GRHL2: variants seen among roughly 807,000 people sequenced by gnomAD.
GRHL2 encodes the protein grainyhead like transcription factor 2.
In GRHL2, 21 loss-of-function variants were observed where a neutral mutation model predicts 83.8. The observed-to-expected ratio is 0.25, with a 90% CI of 0.18 to 0.36. GRHL2 has a LOEUF of 0.36. GRHL2 is among the 10% of genes least tolerant of loss of function. GRHL2 has a pLI of 1.00. For synonymous variants in GRHL2, 280 were observed against 278.9 expected (o/e 1.00, Z -0.04); for missense variants, 623 against 781.8 (o/e 0.80, Z 2.42).
At chr8:101,665,454 T>C (rs753807320) in intron 15 of GRHL2, among the ~76,000 whole-genome samples, 7 of 152,204 alleles carry the variant, frequency 4.6e-5, no homozygotes, top group African/African-American at 7.2e-5. Flanking sequence ...TGTTGGTTGA[T>C]TGGAGGATCT....
At chr8:101,506,835 C>CAAA (rs10688299) in intron 1 of GRHL2, among the ~76,000 whole-genome samples, 2,591 of 147,038 alleles carry the variant, frequency 0.018, 25 homozygotes, top group Middle Eastern at 0.066. Context: ...ATTTGCAAGG[C>CAAA]AAAAAAAAAA....
chr8:101,652,412 G>GT (rs1813663610), intron 14 of GRHL2, among the ~76,000 whole-genome samples: 1 of 75,098 alleles, frequency 1.3e-5, no homozygotes, highest in Admixed American at 1.4e-4. Flanking sequence ...GTGTGTGTGT[G>GT]GTGTGTGTGT....
chr8:101,590,426 G>C (rs531545480), intron 7 of GRHL2, among the ~76,000 whole-genome samples: 1 of 152,134 alleles, frequency 6.6e-6, no homozygotes, highest in African/African-American at 2.4e-5. Flanking sequence ...AGTTTGAGCC[G>C]ATCCTATTTG....
chr8:101,608,213 T>C (rs1361832127), intron 8 of GRHL2, among the ~76,000 whole-genome samples: 1 of 152,240 alleles, frequency 6.6e-6, no homozygotes, highest in East Asian at 1.9e-4. Context: ...CCAGAAAAGT[T>C]AACTAGCTTA....
At chr8:101,519,516 A>G (rs1810639947) in intron 1 of GRHL2, among the ~76,000 whole-genome samples, 1 of 148,452 alleles carries the variant, frequency 6.7e-6, no homozygotes, top group Non-Finnish European at 1.5e-5. Flanking sequence ...CTCCTGCCTC[A>G]CCGCAGAGAA....
At chr8:101,635,867 T>C (rs915109352) in intron 11 of GRHL2, among the ~76,000 whole-genome samples, 1 of 152,234 alleles carries the variant, frequency 6.6e-6, no homozygotes, top group Admixed American at 6.5e-5. Flanking sequence ...TCTTGTTTTG[T>C]AACTAGGTCT....
At chr8:101,572,050 C>T (rs996720049) in intron 5 of GRHL2, among the ~76,000 whole-genome samples, 1 of 152,140 alleles carries the variant, frequency 6.6e-6, no homozygotes, top group Non-Finnish European at 1.5e-5. Context: ...GGTTTTTATC[C>T]TGTGTTATGG....
intron 12 of GRHL2, among the ~76,000 whole-genome samples, chr8:101,639,564 A>G (rs1401180196): frequency 6.6e-6 from 1 of 152,236 alleles, no homozygotes; most frequent in Non-Finnish European, 1.5e-5. Flanking sequence ...ACTGGCTTTT[A>G]GCCATGATGC....
intron 3 of GRHL2, among the ~76,000 whole-genome samples, chr8:101,557,550 C>T (rs573757834): frequency 1.6e-4 from 24 of 152,222 alleles, no homozygotes; most frequent in Non-Finnish European, 3.4e-4. Context: ...ATCGCCAAAT[C>T]CCAGTCCATA....
At chr8:101,648,229 G>A (rs1476196879) in intron 13 of GRHL2, among the ~76,000 whole-genome samples, 1 of 152,160 alleles carries the variant, frequency 6.6e-6, no homozygotes, top group Admixed American at 6.5e-5. Context: ...GTGGCAGAAG[G>A]AACATCAGCC....
chr8:101,502,958 G>T (rs181818212), intron 1 of GRHL2, among the ~76,000 whole-genome samples: 25 of 152,242 alleles, frequency 1.6e-4, no homozygotes, highest in African/African-American at 5.8e-4. Flanking sequence ...GTTCAGAAGA[G>T]ATTTCAAATA....
At chr8:101,656,561 A>T (rs552800009) in intron 14 of GRHL2, among the ~76,000 whole-genome samples, 3 of 152,332 alleles carry the variant, frequency 2.0e-5, no homozygotes, top group African/African-American at 7.2e-5. Flanking sequence ...CACCACATCT[A>T]AAGAGATCAG....
At chr8:101,572,808 T>G (rs1176838016) in intron 5 of GRHL2, among the ~76,000 whole-genome samples, 1 of 152,140 alleles carries the variant, frequency 6.6e-6, no homozygotes, top group Non-Finnish European at 1.5e-5. Context: ...AATTATATCA[T>G]GTTTTTTAAA....
At chr8:101,530,689 G>A (rs1369298065) in intron 1 of GRHL2, among the ~76,000 whole-genome samples, 1 of 152,118 alleles carries the variant, frequency 6.6e-6, no homozygotes, top group Non-Finnish European at 1.5e-5. Flanking sequence ...TGCCTGATAT[G>A]TACTCTCTAG....
intron 1 of GRHL2, among the ~76,000 whole-genome samples, chr8:101,533,021 C>A (rs1810970706): frequency 6.6e-6 from 1 of 152,108 alleles, no homozygotes; most frequent in African/African-American, 2.4e-5. Context: ...GAAAGGAATT[C>A]TTAATATCAG....
chr8:101,510,246 C>T (rs1810435908), intron 1 of GRHL2, among the ~76,000 whole-genome samples: 1 of 152,166 alleles, frequency 6.6e-6, no homozygotes, highest in Admixed American at 6.5e-5. Context: ...ATCAGCCCAC[C>T]TCTGCCACCC....
chr8:101,654,613 G>T (rs576344621), intron 14 of GRHL2, among the ~76,000 whole-genome samples: 1 of 152,324 alleles, frequency 6.6e-6, no homozygotes, highest in Admixed American at 6.5e-5. Context: ...TTTGGCAATT[G>T]GTGGTGAAAT....
At chr8:101,635,675 C>T (rs959126470) in intron 11 of GRHL2, among the ~76,000 whole-genome samples, 3 of 152,188 alleles carry the variant, frequency 2.0e-5, no homozygotes, top group Non-Finnish European at 4.4e-5. Context: ...ATGACAGTTG[C>T]TCTGAATGCC....
intron 14 of GRHL2, among the ~76,000 whole-genome samples, chr8:101,658,330 CA>C (rs1813844263): frequency 6.6e-6 from 1 of 152,294 alleles, no homozygotes; most frequent in Admixed American, 6.5e-5. Flanking sequence ...AGCCATCTGC[CA>C]GGTTGTTCCC....
Sources: allele counts gnomAD v4.1 joint callset (sites outside exome capture counted in the v4.1 genomes callset), GRCh38; gene constraint gnomAD v4.1.1; transcripts MANE v1.5; gene names NCBI Gene and HGNC (gene_info 2026-07-23, HGNC 2026-07-21).